The following NDST3 variants were observed in gnomAD, a reference collection of about 807,000 sequenced individuals.
NDST3 encodes N-deacetylase and N-sulfotransferase 3, also known as bifunctional heparan sulfate N-deacetylase/N-sulfotransferase 3.
In NDST3, 58 loss-of-function variants were observed where a neutral mutation model predicts 96.1. That is an observed-to-expected ratio of 0.60 (90% CI 0.49 to 0.75). NDST3 has a LOEUF of 0.75. Among genes scored for constraint, NDST3 ranks in the 30% least tolerant of loss-of-function variants. NDST3 has a pLI of 0.00. For synonymous variants in NDST3, 333 were observed against 359.7 expected (o/e 0.93, Z 0.84); for missense variants, 788 against 1,034.2 (o/e 0.76, Z 3.27).
At chr4:118,083,386 G>A (rs977463930) in intron 2 of NDST3, among the ~76,000 whole-genome samples, 20 of 152,120 alleles carry the variant, frequency 1.3e-4, no homozygotes, top group African/African-American at 3.4e-4. Context: ...TACTTAATTC[G>A]ATTTATTATT....
intron 6 of NDST3, among the ~76,000 whole-genome samples, chr4:118,173,672 A>G (rs575896354): frequency 1.3e-5 from 2 of 152,278 alleles, no homozygotes; most frequent in South Asian, 4.1e-4. Context: ...TAATCATCAT[A>G]TTCAGTACTT....
At chr4:118,045,414 T>G (rs1252545355) in intron 1 of NDST3, among the ~76,000 whole-genome samples, 2 of 152,166 alleles carry the variant, frequency 1.3e-5, no homozygotes, top group East Asian at 3.9e-4. Flanking sequence ...TTAGAACATT[T>G]TAAATAAATT....
In NDST3 at chr4:118,089,638, C is replaced by T. The variant is rs184378205; in HGVS notation, c.982-15380C>T. ...TGGTTAATTATTTCAAAGACTAAAA[C>T]ATTGAAGTTTATGTTTTATGCTTCA... is the stretch of plus-strand genomic sequence containing the variant. On this transcript the variant is annotated intron_variant, in intron 2 of 13. Transcript: ENST00000296499. Among the ~76,000 whole-genome samples the T allele has an allele frequency of 2.5e-3, 380 of 152,014 alleles. 2 individuals carry two copies. The highest frequency in any genetic ancestry group is 6.8e-3 in the Middle Eastern group (2 of 294).
At chr4:118,051,042 A>C (rs1725045032) in intron 1 of NDST3, among the ~76,000 whole-genome samples, 1 of 152,116 alleles carries the variant, frequency 6.6e-6, no homozygotes, top group African/African-American at 2.4e-5. Flanking sequence ...AATGGAACAC[A>C]ATAGAAAACT....
chr4:118,249,683 G>C (rs1312392364), intron 12 of NDST3, among the ~76,000 whole-genome samples: 3 of 151,576 alleles, frequency 2.0e-5, no homozygotes, highest in African/African-American at 7.3e-5. Context: ...CATAGGGCTA[G>C]AGTTATAAAT....
At chr4:118,166,425 A>G (rs1428657161) in intron 6 of NDST3, among the ~76,000 whole-genome samples, 1 of 151,958 alleles carries the variant, frequency 6.6e-6, no homozygotes. Flanking sequence ...CCTTCCAACA[A>G]AGAAACTTCC....
chr4:118,111,705 T>A (rs895913837), intron 3 of NDST3, among the ~76,000 whole-genome samples: 1 of 151,270 alleles, frequency 6.6e-6, no homozygotes, highest in Non-Finnish European at 1.5e-5. Context: ...CCTGGCAAAA[T>A]TTTTTTTGTA....
chr4:118,107,816 C>T (rs12331617), intron 3 of NDST3, among the ~76,000 whole-genome samples: 1,573 of 152,148 alleles, frequency 0.01, 19 homozygotes, highest in African/African-American at 0.036. Flanking sequence ...ATATAAAGGG[C>T]TATTAATACA....
chr4:118,207,146 TACACACAC>T (rs67300451), intron 6 of NDST3, among the ~76,000 whole-genome samples: 12,592 of 128,756 alleles, frequency 0.098, 1,833 homozygotes, highest in African/African-American at 0.12. Flanking sequence ...TCTGGAAGAA[TACACACAC>T]ACACACACAC....
At chr4:118,111,765 T>C (rs1327337103) in intron 3 of NDST3, among the ~76,000 whole-genome samples, 1 of 152,128 alleles carries the variant, frequency 6.6e-6, no homozygotes, top group Non-Finnish European at 1.5e-5. Context: ...GAGATAAATA[T>C]GTCAGAAGGC....
intron 2 of NDST3, among the ~76,000 whole-genome samples, chr4:118,079,678 G>T (rs72903402): frequency 0.1 from 15,187 of 152,146 alleles, 953 homozygotes; most frequent in African/African-American, 0.17. Flanking sequence ...GATATCTTTG[G>T]CAAGGGAATA....
Position 118,169,861 on chromosome 4 carries a change from A to G in NDST3, c.1539+26177A>G, listed in dbSNP as rs187437962. On this transcript the variant is annotated intron_variant, in intron 6 of 13. Transcript: ENST00000296499. ...CCAGGTTTCTCATGAGGTTGCAGTC[A>G]GATGGTAACTAGAGCTGGAAAACCA... Among the ~76,000 whole-genome samples, 440 of 152,024 alleles carry G rather than the reference A, an allele frequency of 2.9e-3. 2 individuals carry two copies. The highest frequency in any genetic ancestry group is 1.0e-2 in the African/African-American group (413 of 41,454).
intron 3 of NDST3, among the ~76,000 whole-genome samples, chr4:118,114,494 A>C (rs1258958968): frequency 6.6e-6 from 1 of 152,168 alleles, no homozygotes; most frequent in Non-Finnish European, 1.5e-5. Flanking sequence ...TTCTCTCCAG[A>C]CTATAAACTG....
intron 11 of NDST3, 32 bp downstream of exon 11, chr4:118,240,726 G>T: frequency 6.3e-7 from 1 of 1,581,974 alleles, no homozygotes; most frequent in South Asian, 1.2e-5. Context: ...CATCATGTTA[G>T]AATCTCATTA....
intron 6 of NDST3, among the ~76,000 whole-genome samples, chr4:118,203,410 T>C (rs984602445): frequency 5.9e-5 from 9 of 152,170 alleles, no homozygotes; most frequent in Non-Finnish European, 1.3e-4. Context: ...GTATGTCTGG[T>C]AGAATTCAGC....
At chr4:118,248,010 T>A (rs566135813) in intron 12 of NDST3, among the ~76,000 whole-genome samples, 1 of 152,196 alleles carries the variant, frequency 6.6e-6, no homozygotes. Context: ...GAATGTTTTG[T>A]ACGATTAACC....
rs762740085 is a variant in NDST3, at chr4:118,054,192, C to T, written c.282C>T (p.Asp94=). The T allele has an allele frequency of 4.3e-6, 7 of 1,612,918 alleles. No homozygotes were observed. The African/African-American group carries it at 5.3e-5, about 12-fold the overall frequency. The change falls in exon 2 of 14, where the codon GAC becomes GAT. Residue 94 remains aspartate, a synonymous_variant. Transcript: ENST00000296499. ...GCCAGTACTCATCTCTTGGTCAAGA[C>T]ATCATTATGATTCTAGAATCAAGTA... ...VESQYSSLGQ[D]IIMILESSRF...
At chr4:118,238,390 T>C (rs2126004690) in intron 10 of NDST3, among the ~76,000 whole-genome samples, 1 of 152,260 alleles carries the variant, frequency 6.6e-6, no homozygotes, top group East Asian at 1.9e-4. Flanking sequence ...AATATATATG[T>C]CAAATACACT....
chr4:118,137,545 A>G (rs1157444501), intron 4 of NDST3, among the ~76,000 whole-genome samples: 1 of 152,212 alleles, frequency 6.6e-6, no homozygotes, highest in Non-Finnish European at 1.5e-5. Flanking sequence ...GAACGTTGTT[A>G]CTGCTGGCCC....
Sources: allele counts gnomAD v4.1 joint callset (sites outside exome capture counted in the v4.1 genomes callset), GRCh38; gene constraint gnomAD v4.1.1; transcripts MANE v1.5; gene names NCBI Gene and HGNC (gene_info 2026-07-23, HGNC 2026-07-21).